CDKL2: variants seen among roughly 807,000 people sequenced by gnomAD.
CDKL2 encodes cyclin-dependent kinase-like 2.
In CDKL2, 64 loss-of-function variants were observed where a neutral mutation model predicts 63.9. The observed-to-expected ratio is 1.00, with a 90% CI of 0.82 to 1.23. The LOEUF is 1.23. Among genes scored for constraint, CDKL2 ranks in the 50% most tolerant of loss-of-function variants. The pLI is 0.00. For missense variants in CDKL2, 656 were observed against 668.0 expected (o/e 0.98, Z 0.20); for synonymous variants, 211 against 229.2 (o/e 0.92, Z 0.72).
In CDKL2 at chr4:75,616,172, C is replaced by T. The variant is rs373216984; in HGVS notation, c.169-1723G>A. Among the ~76,000 whole-genome samples, 130 of 152,112 alleles carry T rather than the reference C, an allele frequency of 8.5e-4. 1 individual carries two copies. Among genetic ancestry groups the T allele is most frequent in the African/African-American group, 3.1e-3 (127 of 41,500 alleles). On this transcript the variant is annotated intron_variant, in intron 2 of 13. Coordinates refer to ENST00000307465, the MANE Select transcript of CDKL2 (RefSeq NM_001330724.2). The stretch of plus-strand genomic sequence containing the variant: ...TAAGCAATATGGCTAGGCATGGTAG[C>T]TTATGCCTGTAATCCCAGCGCTTTG...
chr4:75,613,769 A>G (rs1202358830), intron 3 of CDKL2, among the ~76,000 whole-genome samples: 8 of 152,154 alleles, frequency 5.3e-5, no homozygotes, highest in African/African-American at 1.9e-4. Context: ...AAGAACAGAA[A>G]ATAGAGCCAG....
chr4:75,609,760 T>TA (rs1729602152), intron 3 of CDKL2, among the ~76,000 whole-genome samples: 1 of 151,246 alleles, frequency 6.6e-6, no homozygotes, highest in African/African-American at 2.4e-5. Flanking sequence ...CTAAAAAAGA[T>TA]AGATTTGTTT....
At chr4:75,621,695 C>T (rs1187216574) in intron 2 of CDKL2, among the ~76,000 whole-genome samples, 11 of 152,026 alleles carry the variant, frequency 7.2e-5, no homozygotes, top group Admixed American at 2.0e-4. Flanking sequence ...GCTATCGCAC[C>T]GAGCTTGAAA....
intron 2 of CDKL2, among the ~76,000 whole-genome samples, chr4:75,618,658 G>T (rs1042285014): frequency 4.6e-5 from 7 of 152,262 alleles, no homozygotes; most frequent in Middle Eastern, 3.4e-3. Flanking sequence ...AAGAACATGA[G>T]AATCCAGAGA....
At chr4:75,584,636 A>T (rs1226974514) in intron 12 of CDKL2, among the ~76,000 whole-genome samples, 1 of 152,188 alleles carries the variant, frequency 6.6e-6, no homozygotes, top group Admixed American at 6.5e-5. Context: ...CTGAAACCTC[A>T]GATAGTACCA....
chr4:75,581,678 T>C (rs1004067427), intron 13 of CDKL2, 132 bp downstream of exon 13: 4 of 556,958 alleles, frequency 7.2e-6, no homozygotes, highest in Admixed American at 6.0e-5. Flanking sequence ...GTGGCACAAC[T>C]CTTTCTCTAT....
intron 6 of CDKL2, among the ~76,000 whole-genome samples, chr4:75,603,411 T>C (rs1729284739): frequency 6.6e-6 from 1 of 151,698 alleles, no homozygotes. Context: ...AAAATTAAAA[T>C]TATTAGAGGA....
intron 1 of CDKL2, among the ~76,000 whole-genome samples, chr4:75,629,425 G>C (rs1031204338): frequency 5.3e-5 from 8 of 152,146 alleles, no homozygotes; most frequent in African/African-American, 1.9e-4. Context: ...AAGTGACACT[G>C]TCCACAAATA....
At chr4:75,612,804 G>C (rs554997282) in intron 3 of CDKL2, among the ~76,000 whole-genome samples, 1 of 152,300 alleles carries the variant, frequency 6.6e-6, no homozygotes, top group East Asian at 1.9e-4. Context: ...CTAAGAGACA[G>C]ATAGTCTCAA....
At chr4:75,628,352 T>C (rs1730529154) in intron 1 of CDKL2, among the ~76,000 whole-genome samples, 1 of 152,196 alleles carries the variant, frequency 6.6e-6, no homozygotes, top group Non-Finnish European at 1.5e-5. Context: ...CCTGACCTCG[T>C]GATCTGCCCG....
chr4:75,584,397 A>G (rs1728382473), intron 12 of CDKL2, among the ~76,000 whole-genome samples: 1 of 152,184 alleles, frequency 6.6e-6, no homozygotes, highest in South Asian at 2.1e-4. Context: ...ATGGAACTAA[A>G]TTAGCCCAAC....
At chr4:75,608,389 T>G (rs1330088942) in intron 3 of CDKL2, among the ~76,000 whole-genome samples, 1 of 151,832 alleles carries the variant, frequency 6.6e-6, no homozygotes, top group African/African-American at 2.4e-5. Flanking sequence ...CCTCCCAAAG[T>G]GCTGGGATTA....
chr4:75,616,722 T>C (rs1027261098), intron 2 of CDKL2, among the ~76,000 whole-genome samples: 4 of 141,854 alleles, frequency 2.8e-5, no homozygotes, highest in Non-Finnish European at 1.5e-5. Flanking sequence ...AAAAAAGGAA[T>C]TCAAATATCA....
chr4:75,598,569 C>T (rs923275804), intron 7 of CDKL2, among the ~76,000 whole-genome samples: 3 of 147,600 alleles, frequency 2.0e-5, no homozygotes, highest in African/African-American at 5.1e-5. Context: ...GATAACCACA[C>T]ATTCTCAGTT....
At chr4:75,626,713 A>C (rs545242231) in intron 1 of CDKL2, among the ~76,000 whole-genome samples, 1 of 149,624 alleles carries the variant, frequency 6.7e-6, no homozygotes, top group African/African-American at 2.5e-5. Context: ...ACATACTGAG[A>C]CTCTGTCTCT....
At chr4:75,597,407 G>A (rs887884672) in intron 8 of CDKL2, among the ~76,000 whole-genome samples, 171 bp from the exon 9 acceptor site, 10 of 151,976 alleles carry the variant, frequency 6.6e-5, no homozygotes, top group Admixed American at 6.6e-4. Context: ...TTCTTATTCA[G>A]ATAGTTATTG....
chr4:75,625,730 G>T, intron 2 of CDKL2, 91 bp downstream of exon 2: 1 of 866,470 alleles, frequency 1.2e-6, no homozygotes, highest in Non-Finnish European at 1.8e-6. Flanking sequence ...CCAGATAAAT[G>T]AATTTGCATA....
intron 2 of CDKL2, among the ~76,000 whole-genome samples, chr4:75,614,834 G>A (rs182115196): frequency 6.4e-5 from 8 of 124,412 alleles, no homozygotes; most frequent in South Asian, 2.2e-4. Flanking sequence ...AGCTGGAAGC[G>A]TAAGAGTTCT....
In CDKL2 at chr4:75,625,897, G is replaced by A. The variant is rs1045425772; in HGVS notation, c.92C>T (p.Ala31Val). Residue 31 changes from alanine (A) to valine (V), a missense_variant, in exon 2 of 14, where the codon GCC (alanine) becomes GTC (valine). By Grantham distance (64) the Ala-to-Val change is moderately conservative. Transcript: ENST00000307465. Reference sequence around the variant, plus strand: ...GTCACTTTCTAAGAACTTCTTTATGGCCACAATTCTTCCAGTATCTTTATT... The same window carrying A: ...GTCACTTTCTAAGAACTTCTTTATGACCACAATTCTTCCAGTATCTTTATT... ...CRNKDTGRIV[A>V]IKKFLESDDD... 9.9e-6 allele frequency: 16 copies of A among 1,612,232 alleles called. No individual in the cohort carries two copies. Among genetic ancestry groups the A allele is most frequent in the Non-Finnish European group, 1.3e-5 (15 of 1,179,020 alleles).
Sources: gnomAD v4.1 joint callset for allele counts (sites outside exome capture counted in the v4.1 genomes callset) on GRCh38, gnomAD v4.1.1 for gene constraint, MANE v1.5 for transcripts, NCBI Gene and HGNC (gene_info 2026-07-23, HGNC 2026-07-21) for gene names.